Variants in PKIB observed in about 807,000 individuals in gnomAD.
PKIB encodes cAMP-dependent protein kinase inhibitor beta.
PKIB carries 2 observed loss-of-function variants against 4.5 expected under a neutral mutation model. The observed-to-expected ratio is 0.44, with a 90% confidence interval of 0.18 to 1.39. PKIB has a LOEUF of 1.39. Among genes scored for constraint, PKIB ranks in the 40% most tolerant of loss-of-function variants. The pLI, the probability that PKIB is intolerant of heterozygous loss-of-function variation, is 0.27. For synonymous variants in PKIB, 38 were observed against 36.0 expected (o/e 1.06, Z -0.20); for missense variants, 94 against 92.6 (o/e 1.02, Z -0.06).
At chr6:122,495,410 AT>A (rs769840334) in intron 2 of PKIB, among the ~76,000 whole-genome samples, 2 of 152,062 alleles carry the variant, frequency 1.3e-5, no homozygotes, top group Non-Finnish European at 2.9e-5. Flanking sequence ...GGCCTGTAAT[AT>A]CCCCTCAGAT....
intron 2 of PKIB, among the ~76,000 whole-genome samples, chr6:122,525,502 G>T (rs1474307131): frequency 1.3e-5 from 2 of 152,138 alleles, no homozygotes; most frequent in African/African-American, 4.8e-5. Flanking sequence ...GGTTTATACA[G>T]ACATACCTTG....
chr6:122,718,507 C>A (rs775201531), intron 4 of PKIB, among the ~76,000 whole-genome samples: 8 of 152,034 alleles, frequency 5.3e-5, no homozygotes, highest in African/African-American at 1.7e-4. Flanking sequence ...TTAAAAGGTG[C>A]CTTTCATTTA....
intron 2 of PKIB, among the ~76,000 whole-genome samples, chr6:122,516,115 AT>A (rs1181928240): frequency 6.6e-6 from 1 of 152,210 alleles, no homozygotes; most frequent in East Asian, 1.9e-4. Flanking sequence ...CTATCATACA[AT>A]TTAGTGTCCT....
chr6:122,473,563 A>G (rs950041595), intron 1 of PKIB, among the ~76,000 whole-genome samples: 2 of 152,200 alleles, frequency 1.3e-5, no homozygotes, highest in Non-Finnish European at 2.9e-5. Flanking sequence ...AAGTTATTAT[A>G]TATACAACAT....
chr6:122,612,976 G>T (rs1774823213), intron 1 of PKIB, among the ~76,000 whole-genome samples: 1 of 152,140 alleles, frequency 6.6e-6, no homozygotes, highest in Non-Finnish European at 1.5e-5. Flanking sequence ...AGAGGCTTGG[G>T]AGAGGAACCA....
At chr6:122,522,165 G>A (rs986841304) in intron 2 of PKIB, among the ~76,000 whole-genome samples, 2 of 151,822 alleles carry the variant, frequency 1.3e-5, no homozygotes, top group Admixed American at 6.6e-5. Context: ...AAAACATAAA[G>A]CGAGAAATGC....
At chr6:122,558,306 C>T (rs1294789831) in intron 2 of PKIB, among the ~76,000 whole-genome samples, 3 of 152,248 alleles carry the variant, frequency 2.0e-5, no homozygotes, top group African/African-American at 7.2e-5. Flanking sequence ...TATATTCTAC[C>T]AGCTTAGTAA....
intron 2 of PKIB, among the ~76,000 whole-genome samples, chr6:122,532,913 G>T (rs1366067703): frequency 6.6e-6 from 1 of 152,000 alleles, no homozygotes; most frequent in Admixed American, 6.6e-5. Flanking sequence ...ATCCTGTTTT[G>T]ATTTGCATAT....
At chr6:122,688,027 T>C (rs1174987775) in intron 3 of PKIB, among the ~76,000 whole-genome samples, 3 of 152,158 alleles carry the variant, frequency 2.0e-5, no homozygotes, top group African/African-American at 7.2e-5. Flanking sequence ...CCTTATTATA[T>C]TCCAGATCTT....
chr6:122,703,897 TA>T (rs1480871184), intron 3 of PKIB, among the ~76,000 whole-genome samples: 1 of 148,602 alleles, frequency 6.7e-6, no homozygotes, highest in Non-Finnish European at 1.5e-5. Flanking sequence ...GCTCTCTATA[TA>T]AAAAACGCTA....
chr6:122,602,567 G>A (rs1582728803), intron 3 of PKIB, among the ~76,000 whole-genome samples: 2 of 151,810 alleles, frequency 1.3e-5, no homozygotes, highest in East Asian at 3.9e-4. Flanking sequence ...AGAGTATAAG[G>A]GTAATTCCTT....
At chr6:122,655,157 C>T (rs529382048) in intron 2 of PKIB, among the ~76,000 whole-genome samples, 9 of 152,024 alleles carry the variant, frequency 5.9e-5, no homozygotes, top group African/African-American at 2.2e-4. Flanking sequence ...GTATAAGTAC[C>T]ATATAGTCTG....
chr6:122,665,895 G>T (rs1455916064), intron 2 of PKIB, among the ~76,000 whole-genome samples: 1 of 151,990 alleles, frequency 6.6e-6, no homozygotes, highest in East Asian at 1.9e-4. Flanking sequence ...TTTTTCCTTC[G>T]GTATAAAGAA....
chr6:122,609,110 G>A (rs572974584), upstream of PKIB, among the ~76,000 whole-genome samples: 43 of 152,154 alleles, frequency 2.8e-4, no homozygotes, highest in African/African-American at 9.4e-4. Context: ...TTTATTAGGC[G>A]GGTGCAGAAG....
At chr6:122,660,282 G>A (rs1776933164) in intron 2 of PKIB, among the ~76,000 whole-genome samples, 1 of 152,168 alleles carries the variant, frequency 6.6e-6, no homozygotes, top group South Asian at 2.1e-4. Flanking sequence ...AAGATGATAT[G>A]TTGGAAGAAA....
intron 3 of PKIB, among the ~76,000 whole-genome samples, chr6:122,712,944 C>T (rs1779331409): frequency 6.6e-6 from 1 of 152,072 alleles, no homozygotes; most frequent in South Asian, 2.1e-4. Flanking sequence ...GCAGGCTCTT[C>T]GGGGCCCACT....
At chr6:122,501,332 A>G (rs532588988) in intron 2 of PKIB, among the ~76,000 whole-genome samples, 1 of 152,286 alleles carries the variant, frequency 6.6e-6, no homozygotes, top group South Asian at 2.1e-4. Context: ...AAAGGGATAA[A>G]TTGGCCAAAA....
At chr6:122,629,743 G>C (rs147993081) in intron 1 of PKIB, among the ~76,000 whole-genome samples, 4 of 152,258 alleles carry the variant, frequency 2.6e-5, no homozygotes, top group African/African-American at 9.6e-5. Context: ...AAATCTCATA[G>C]CCACAGTCTA....
intron 2 of PKIB, among the ~76,000 whole-genome samples, chr6:122,491,504 C>T (rs563795835): frequency 5.3e-5 from 8 of 152,098 alleles, no homozygotes; most frequent in East Asian, 1.9e-4. Flanking sequence ...TCTCCTCCCC[C>T]GCTCATGCCT....
Sources: gnomAD v4.1 joint callset for allele counts (sites outside exome capture counted in the v4.1 genomes callset) on GRCh38, gnomAD v4.1.1 for gene constraint, MANE v1.5 for transcripts, NCBI Gene and HGNC (gene_info 2026-07-23, HGNC 2026-07-21) for gene names.